The following ROBO2 variants were observed in gnomAD, a reference collection of about 807,000 sequenced individuals.
The protein encoded by ROBO2 is roundabout homolog 2.
Under a neutral mutation model 160.8 loss-of-function variants are expected in ROBO2, and 53 were observed. The ratio of observed to expected loss-of-function variants is 0.33; its 90% confidence interval spans 0.26 to 0.41. The LOEUF is 0.41. Ranked by LOEUF, ROBO2 falls within the 10% of genes least tolerant of loss-of-function variation. ROBO2 has a pLI of 1.00. For missense variants in ROBO2, 1,577 were observed against 1,722.4 expected, an observed-to-expected ratio of 0.92 and a Z score of 1.49; for synonymous variants, 664 against 611.7, an observed-to-expected ratio of 1.09 and a Z score of -1.26.
At chr3:77,360,403 A>T (rs1006218110) in intron 2 of ROBO2, among the ~76,000 whole-genome samples, 4 of 152,174 alleles carry the variant, frequency 2.6e-5, no homozygotes, top group Admixed American at 6.6e-5. Flanking sequence ...TGGAGAGGAA[A>T]GGTGGGAGTA....
chr3:76,081,175 ATATTC>A (rs1355479650), intron 2 of ROBO2, among the ~76,000 whole-genome samples: 2 of 151,952 alleles, frequency 1.3e-5, no homozygotes, highest in Non-Finnish European at 2.9e-5. Flanking sequence ...ACATATATAT[ATATTC>A]TATTCCATGT....
At chr3:77,296,284 T>C (rs1295749022) in intron 2 of ROBO2, among the ~76,000 whole-genome samples, 3 of 149,910 alleles carry the variant, frequency 2.0e-5, no homozygotes, top group African/African-American at 7.4e-5. Flanking sequence ...TGAGGCTAGA[T>C]CACCCCAGAC....
intron 2 of ROBO2, among the ~76,000 whole-genome samples, chr3:75,964,111 T>C (rs1056299947): frequency 1.3e-5 from 2 of 151,854 alleles, no homozygotes; most frequent in African/African-American, 4.8e-5. Context: ...TTCACTTTGT[T>C]AATAGGAAGC....
At chr3:77,028,546 T>A (rs1014260016) in intron 2 of ROBO2, among the ~76,000 whole-genome samples, 1 of 151,734 alleles carries the variant, frequency 6.6e-6, no homozygotes, top group Admixed American at 6.6e-5. Context: ...TGAAACCCTG[T>A]CTCTAATAAA....
At chr3:76,285,754 A>G (rs1184941339) in intron 2 of ROBO2, among the ~76,000 whole-genome samples, 1 of 152,158 alleles carries the variant, frequency 6.6e-6, no homozygotes, top group African/African-American at 2.4e-5. Context: ...CAAACATCGA[A>G]TTTAACCTTT....
chr3:77,308,001 C>A (rs962946609), intron 2 of ROBO2, among the ~76,000 whole-genome samples: 2 of 150,996 alleles, frequency 1.3e-5, no homozygotes, highest in Non-Finnish European at 2.9e-5. Context: ...TTTGTCAAAT[C>A]TAGGAAATGT....
intron 2 of ROBO2, among the ~76,000 whole-genome samples, chr3:76,228,946 A>AGGCT (rs745656890): frequency 1.3e-5 from 2 of 152,206 alleles, no homozygotes; most frequent in African/African-American, 2.4e-5. Flanking sequence ...TAGGAGTTCA[A>AGGCT]GGCTGTAGTG....
intron 24 of ROBO2, 22 bp from the exon 26 acceptor site, chr3:77,642,649 A>C (rs565581461): frequency 3.3e-4 from 147 of 451,162 alleles, no homozygotes; most frequent in Non-Finnish European, 6.2e-4. Flanking sequence ...AGTCCATTCT[A>C]AACATTATTC....
intron 2 of ROBO2, among the ~76,000 whole-genome samples, chr3:76,351,009 ATAACTGCTTATAATT>A: frequency 6.6e-6 from 1 of 152,142 alleles, no homozygotes; most frequent in East Asian, 1.9e-4. Context: ...ATTGGTAGTC[ATAACTGCTTATAATT>A]GCATTAGCCT....
chr3:77,074,396 T>A (rs1257842509), intron 1 of ROBO2, among the ~76,000 whole-genome samples: 1 of 152,210 alleles, frequency 6.6e-6, no homozygotes, highest in Admixed American at 6.5e-5. Context: ...ATTTTTGATG[T>A]GTTGTGTTTC....
intron 2 of ROBO2, among the ~76,000 whole-genome samples, chr3:77,198,975 A>C (rs9839604): frequency 0.33 from 50,535 of 151,752 alleles, 9,823 homozygotes; most frequent in Middle Eastern, 0.52. Flanking sequence ...GCTCTATGTT[A>C]ATGTCCTTGG....
intron 2 of ROBO2, among the ~76,000 whole-genome samples, chr3:76,512,183 C>T (rs2081125448): frequency 6.6e-6 from 1 of 151,810 alleles, no homozygotes; most frequent in African/African-American, 2.4e-5. Context: ...AAAATCTCTC[C>T]TTATCTCTAG....
At position 76,217,889 on chromosome 3, in the gene ROBO2, T is replaced by C. The variant is rs559268075; in HGVS notation, c.109+280287T>C. Among the ~76,000 whole-genome samples the C allele has an allele frequency of 2.0e-5, 3 of 152,308 alleles. No individual in the cohort carries two copies. In the East Asian group the frequency reaches 5.8e-4, roughly 29 times the overall value. On this transcript the variant is annotated intron_variant, in intron 2 of 26. Coordinates refer to the ROBO2 transcript ENST00000487694. ...GAGAATTTTAAACCAATATCCTTGA[T>C]GAACATTGATGCAAAAATCCTCAAT...
intron 2 of ROBO2, among the ~76,000 whole-genome samples, chr3:76,449,374 T>G (rs558410287): frequency 6.6e-6 from 1 of 152,158 alleles, no homozygotes; most frequent in Admixed American, 6.6e-5. Context: ...AGAATAGATT[T>G]TTAGCATTCA....
chr3:76,205,666 C>G (rs771035797), intron 2 of ROBO2, among the ~76,000 whole-genome samples: 10 of 152,142 alleles, frequency 6.6e-5, no homozygotes, highest in Non-Finnish European at 8.8e-5. Flanking sequence ...TTACACAGCC[C>G]CTCCCTCCTC....
intron 2 of ROBO2, among the ~76,000 whole-genome samples, chr3:76,097,836 G>A (rs762455260): frequency 6.6e-6 from 1 of 152,108 alleles, no homozygotes; most frequent in East Asian, 1.9e-4. Flanking sequence ...CTTAAAAAAT[G>A]AATGAATAAG....
At chr3:76,390,328 AG>A (rs2077087606) in intron 2 of ROBO2, among the ~76,000 whole-genome samples, 2 of 152,120 alleles carry the variant, frequency 1.3e-5, no homozygotes. Flanking sequence ...TATATTCAAA[AG>A]TTTAGTTAAT....
At chr3:76,358,477 T>C (rs1295051830) in intron 2 of ROBO2, among the ~76,000 whole-genome samples, 1 of 152,000 alleles carries the variant, frequency 6.6e-6, no homozygotes, top group Non-Finnish European at 1.5e-5. Flanking sequence ...CAGAGAAAAT[T>C]TTTTATTCAT....
chr3:77,427,505 C>T (rs1409125729), intron 2 of ROBO2, among the ~76,000 whole-genome samples: 2 of 152,086 alleles, frequency 1.3e-5, no homozygotes, highest in African/African-American at 2.4e-5. Flanking sequence ...AAGCATGTAT[C>T]GTAATTGTTA....
Sources: gnomAD v4.1 joint callset for allele counts (sites outside exome capture counted in the v4.1 genomes callset) on GRCh38, gnomAD v4.1.1 for gene constraint, MANE v1.5 for transcripts, NCBI Gene and HGNC (gene_info 2026-07-23, HGNC 2026-07-21) for gene names.